AVEN: variants seen among roughly 807,000 people sequenced by gnomAD.
The protein encoded by AVEN is cell death regulator Aven.
A neutral mutation model predicts 38.1 loss-of-function variants in AVEN; 41 were observed. The observed-to-expected ratio is 1.08, with a 90% CI of 0.84 to 1.40. AVEN has a LOEUF of 1.40. AVEN is among the 40% of genes most tolerant of loss of function. AVEN has a pLI of 0.00. For synonymous variants in AVEN, 206 were observed against 171.8 expected (o/e 1.20, Z -1.56); for missense variants, 605 against 438.8 (o/e 1.38, Z -3.38).
chr15:33,961,068 T>G (rs929972364), intron 2 of AVEN, among the ~76,000 whole-genome samples: 4 of 152,202 alleles, frequency 2.6e-5, no homozygotes, highest in African/African-American at 9.7e-5. Context: ...TGGTGAGAAC[T>G]TGGCTCACTG....
chr15:33,915,352 G>A lies in AVEN; in HGVS notation c.446-39357C>T, dbSNP rs542489959. Among the ~76,000 whole-genome samples, 233 of 152,294 alleles carry A rather than the reference G, an allele frequency of 1.5e-3. 1 individual carries two copies. Among genetic ancestry groups the A allele is most frequent in the African/African-American group, 5.3e-3 (222 of 41,546 alleles). On this transcript the variant is annotated intron_variant, in intron 2 of 5. Coordinates refer to ENST00000306730, the MANE Select transcript of AVEN (RefSeq NM_020371.3). ...ACCAAAAAACTGTTGCGTGCCCAGA[G>A]TGTGAAAGTGTGAAAGGGGGATCAT...
intron 2 of AVEN, among the ~76,000 whole-genome samples, chr15:33,931,443 T>A (rs1171914809): frequency 7.5e-6 from 1 of 132,886 alleles, no homozygotes; most frequent in Admixed American, 8.9e-5. Context: ...CAATCTCGGC[T>A]CACTGCAAGC....
chr15:33,911,431 A>G (rs1169024278), intron 2 of AVEN, among the ~76,000 whole-genome samples: 1 of 152,226 alleles, frequency 6.6e-6, no homozygotes, highest in Non-Finnish European at 1.5e-5. Context: ...GAAGGATAAA[A>G]TACTTTACAT....
intron 5 of AVEN, among the ~76,000 whole-genome samples, chr15:34,061,846 G>A (rs1367353255): frequency 6.6e-6 from 1 of 152,172 alleles, no homozygotes; most frequent in Admixed American, 6.5e-5. Flanking sequence ...GTATAATATG[G>A]TCTTGGCTCA....
intron 2 of AVEN, among the ~76,000 whole-genome samples, chr15:33,953,799 T>G (rs1194627000): frequency 6.6e-6 from 1 of 152,128 alleles, no homozygotes; most frequent in Admixed American, 6.5e-5. Flanking sequence ...GGGATCTAAT[T>G]AAACTAAACG....
intron 2 of AVEN, among the ~76,000 whole-genome samples, chr15:33,937,505 C>A (rs1894132724): frequency 6.6e-6 from 1 of 151,548 alleles, no homozygotes; most frequent in Non-Finnish European, 1.5e-5. Context: ...TGCACTCCAG[C>A]CTGGGCGACA....
intron 2 of AVEN, among the ~76,000 whole-genome samples, chr15:33,907,488 G>A (rs1320922899): frequency 2.0e-5 from 3 of 152,076 alleles, no homozygotes; most frequent in South Asian, 4.1e-4. Flanking sequence ...ATTTTTCACT[G>A]GTTTAAAAGA....
chr15:33,865,884 TGAA>T (rs1263952605), downstream of AVEN: 3 of 152,638 alleles, frequency 2.0e-5, no homozygotes, highest in African/African-American at 4.8e-5. Context: ...AAACTGCACT[TGAA>T]GGTTATTCAT....
chr15:33,893,091 G>A (rs1027788717), intron 2 of AVEN, among the ~76,000 whole-genome samples: 2 of 152,218 alleles, frequency 1.3e-5, no homozygotes, highest in Non-Finnish European at 2.9e-5. Flanking sequence ...CTTTGCTGAA[G>A]TTGCTCATCA....
At chr15:33,871,115 C>T (rs1414373992) in intron 3 of AVEN, 85 bp from the exon 4 acceptor site, 13 of 882,192 alleles carry the variant, frequency 1.5e-5, no homozygotes, top group Non-Finnish European at 1.9e-5. Context: ...AAATAATCCA[C>T]TGGAGTTACA....
intron 2 of AVEN, among the ~76,000 whole-genome samples, chr15:33,976,199 T>G (rs1256231351): frequency 6.6e-6 from 1 of 152,188 alleles, no homozygotes; most frequent in East Asian, 1.9e-4. Flanking sequence ...AAAAGCCATG[T>G]TTCAATTATT....
chr15:33,866,449 C>A lies in AVEN; in HGVS notation c.*164G>T. The A allele has an allele frequency of 1.7e-6, 1 of 601,250 alleles. No homozygotes were observed. The highest frequency in any genetic ancestry group is 2.8e-5 in the East Asian group (1 of 36,066). 37.2% of individuals were successfully genotyped at this position (601,250 alleles called of 1,614,324 possible). The stretch of plus-strand genomic sequence containing the variant: ...ATGCAACAAGCTGCTTCAATGTATT[C>A]TTTCAGATGTCAAACACAGAGGTAG... On this transcript the variant is annotated 3_prime_UTR_variant, in exon 6 of 6. Transcript: ENST00000306730.
chr15:33,896,177 G>T (rs926024140), intron 2 of AVEN, among the ~76,000 whole-genome samples: 1 of 152,088 alleles, frequency 6.6e-6, no homozygotes, highest in African/African-American at 2.4e-5. Flanking sequence ...CACTCAACAA[G>T]GTAAAAGCAA....
Position 33,968,811 on chromosome 15 carries a change from T to C in AVEN, c.445+34221A>G, listed in dbSNP as rs548644772. 5.3e-5 allele frequency: 8 copies of C among 152,220 alleles called. 1 individual carries two copies. Among genetic ancestry groups the C allele is most frequent in the African/African-American group, 1.9e-4 (8 of 41,560 alleles). 9.4% of individuals were successfully genotyped at this position (152,220 alleles called of 1,614,324 possible). A position where few individuals can be genotyped will look rare whatever the true frequency, so the allele number is the denominator to read the frequency against. On this transcript the variant is annotated intron_variant, in intron 2 of 5. Transcript: ENST00000306730. ...ACTTTTCCAGGGGGTCAAATGCATA[T>C]AGGAACAACCAGGATTTCTCATTGC...
At chr15:33,936,444 A>G (rs1247234855) in intron 2 of AVEN, among the ~76,000 whole-genome samples, 1 of 152,234 alleles carries the variant, frequency 6.6e-6, no homozygotes, top group Admixed American at 6.5e-5. Flanking sequence ...TATGTCAAAG[A>G]CTCATGGAAA....
intron 1 of AVEN, 55 bp downstream of exon 1, chr15:34,038,725 G>A: frequency 2.7e-6 from 3 of 1,128,854 alleles, no homozygotes; most frequent in Non-Finnish European, 3.3e-6. Flanking sequence ...GGCGGCCTCG[G>A]CCCCACTTGC....
intron 2 of AVEN, among the ~76,000 whole-genome samples, chr15:33,980,432 C>A (rs547087776): frequency 1.1e-3 from 167 of 152,328 alleles, no homozygotes; most frequent in African/African-American, 3.9e-3. Context: ...CCGTCCCACA[C>A]ATGAACTCTC....
chr15:34,059,529 C>T (rs1900267535), intron 5 of AVEN, among the ~76,000 whole-genome samples: 1 of 152,172 alleles, frequency 6.6e-6, no homozygotes, highest in Non-Finnish European at 1.5e-5. Flanking sequence ...TGACTTTTCT[C>T]TTAGGTCCTC....
chr15:33,866,796 A>G, intron 5 of AVEN, 68 bp from the exon 6 acceptor site: 3 of 1,115,422 alleles, frequency 2.7e-6, no homozygotes, highest in Non-Finnish European at 1.3e-6. Flanking sequence ...ATTCAGCCCA[A>G]TTTATTACTT....
Sources: gnomAD v4.1 joint callset for allele counts (sites outside exome capture counted in the v4.1 genomes callset) on GRCh38, gnomAD v4.1.1 for gene constraint, MANE v1.5 for transcripts, NCBI Gene and HGNC (gene_info 2026-07-23, HGNC 2026-07-21) for gene names.